Variants in TMPRSS13 observed in about 807,000 individuals in gnomAD.
The protein encoded by TMPRSS13 is transmembrane protease serine 13.
Under a neutral mutation model 68.4 loss-of-function variants are expected in TMPRSS13, and 50 were observed. The ratio of observed to expected loss-of-function variants is 0.73; its 90% CI spans 0.58 to 0.93. The LOEUF is 0.93. TMPRSS13 is among the 40% of genes least tolerant of loss of function. The pLI, the probability that TMPRSS13 is intolerant of heterozygous loss-of-function variation, is 0.00. For synonymous variants in TMPRSS13, 267 were observed against 285.8 expected (o/e 0.93, Z 0.66); for missense variants, 615 against 729.2 (o/e 0.84, Z 1.80).
chr11:117,920,485 T>C (rs2057632809), intron 1 of TMPRSS13, among the ~76,000 whole-genome samples: 1 of 151,880 alleles, frequency 6.6e-6, no homozygotes, highest in Non-Finnish European at 1.5e-5. Flanking sequence ...ACTACAGGTG[T>C]GCACCACCGT....
intron 8 of TMPRSS13, 120 bp from the exon 9 acceptor site, chr11:117,908,904 A>T: frequency 1.0e-6 from 1 of 997,942 alleles, no homozygotes; most frequent in Non-Finnish European, 1.4e-6. Flanking sequence ...GATGGATAAA[A>T]TGACCTCTGG....
Position 117,914,247 on chromosome 11 carries a change from A to G in TMPRSS13, c.679+145T>C. 9.0e-7 allele frequency: 1 copy of G among 1,112,154 alleles called. No individual in the cohort carries two copies. The highest frequency in any genetic ancestry group is 1.4e-5 in the South Asian group (1 of 71,172). 68.9% of individuals were successfully genotyped at this position (1,112,154 alleles called of 1,614,324 possible). ...CACACATACGTGCACACACACATAC[A>G]TGCATACACACAAACATGCACATAC... On this transcript the variant is annotated intron_variant, in intron 4 of 12. Coordinates refer to ENST00000524993, the MANE Select transcript of TMPRSS13 (RefSeq NM_001077263.3). This position sits in a 1 kb window ranked among gnomAD's most constrained non-coding sequence, Gnocchi z 4.2.
chr11:117,919,078 G>C (rs1367452912), intron 1 of TMPRSS13, among the ~76,000 whole-genome samples: 1 of 152,196 alleles, frequency 6.6e-6, no homozygotes, highest in East Asian at 1.9e-4. Flanking sequence ...TGCAGAGATG[G>C]GTAGAGGGCA....
At chr11:117,907,797 T>C in intron 9 of TMPRSS13, 1 of 985,420 alleles carries the variant, frequency 1.0e-6, no homozygotes, top group Non-Finnish European at 1.2e-6. Context: ...TGGCCTCTAC[T>C]GGTCGTCTTG....
At chr11:117,928,035 C>G (rs1047363600) in intron 1 of TMPRSS13, among the ~76,000 whole-genome samples, 1 of 152,206 alleles carries the variant, frequency 6.6e-6, no homozygotes, top group Admixed American at 6.5e-5. Flanking sequence ...GATGGACTAT[C>G]CATCTCCAGT....
At chr11:117,910,494 G>A (rs1025122150) in intron 7 of TMPRSS13, 7 of 523,446 alleles carry the variant, frequency 1.3e-5, no homozygotes, top group Non-Finnish European at 2.4e-5. Context: ...AAGGTTGCTG[G>A]GCTGAGCCCC....
At chr11:117,921,217 A>G (rs2057643221) in intron 1 of TMPRSS13, among the ~76,000 whole-genome samples, 2 of 152,218 alleles carry the variant, frequency 1.3e-5, no homozygotes, top group South Asian at 4.1e-4. Flanking sequence ...GCCTTGACCT[A>G]CAGTGTCACA....
rs201861888 is a variant in TMPRSS13, at chr11:117,905,681, C to A, written c.1338G>T (p.Glu446Asp). Residue 446 changes from glutamate to aspartate, a missense_variant, in exon 10 of 13, where the codon GAG (glutamate) becomes GAT (aspartate). Transcript: ENST00000524993. ...TGCCAAAGCCTGTGATCCAGCAGGT[C>A]TCATTGAGGCTAAAGGTCTGTCCAT... ...PMHGQTFSLN[E>D]TCWITGFGKT... is the part of the protein sequence containing the mutation. The A allele has an allele frequency of 3.1e-6, 5 of 1,606,144 alleles. No homozygotes were observed. The African/African-American group carries it at 5.3e-5, about 17-fold the overall frequency.
Position 117,908,727 on chromosome 11 carries a change from G to T in TMPRSS13, c.1167C>A (p.His389Gln), listed in dbSNP as rs775542256. The change falls in exon 9 of 13, where the codon CAC (histidine) becomes CAA (glutamine). Residue 389 changes from histidine (H) to glutamine (Q), a missense_variant. His to Gln is a conservative substitution (Grantham distance 24, BLOSUM62 0). Coordinates refer to ENST00000524993, the MANE Select transcript of TMPRSS13 (RefSeq NM_001077263.3). Reference protein sequence around the residue: ...WKVYAGTSNLHQLPEAASIAE... With the variant: ...WKVYAGTSNLQQLPEAASIAE... ...CAATGGAGGCTGCCTCAGGCAACTG[G>T]TGCAGGTTGCTGGTGCCCGCGTACA... The T allele has an allele frequency of 1.2e-6, 2 of 1,608,824 alleles. No homozygotes were observed. The highest frequency in any genetic ancestry group is 1.7e-6 in the Non-Finnish European group (2 of 1,178,470).
In TMPRSS13 at chr11:117,914,369, T is replaced by C; in HGVS notation, c.679+23A>G. The stretch of plus-strand genomic sequence containing the variant: ...CACATGCACATGCACACGCACGCGC[T>C]CCCCCGCACCCAGCCTCCTTACCGC... On this transcript the variant is annotated intron_variant, in intron 4 of 12. Transcript: ENST00000524993. The surrounding 1 kb of genome is among the most constrained non-coding windows in gnomAD (Gnocchi z 4.2). 3 of 1,611,348 alleles carry C rather than the reference T, an allele frequency of 1.9e-6. No individual in the cohort carries two copies. Among genetic ancestry groups the C allele is most frequent in the East Asian group, 2.2e-5 (1 of 44,814 alleles).
chr11:117,917,032 A>T (rs749023769), intron 3 of TMPRSS13, 138 bp downstream of exon 3: 17 of 723,678 alleles, frequency 2.3e-5, no homozygotes, highest in Non-Finnish European at 3.9e-5. Flanking sequence ...GGCCATTTGC[A>T]GGAGTGTCCC....
intron 1 of TMPRSS13, among the ~76,000 whole-genome samples, chr11:117,920,484 G>A (rs888922194): frequency 1.3e-5 from 2 of 151,822 alleles, no homozygotes; most frequent in Admixed American, 1.3e-4. Flanking sequence ...GACTACAGGT[G>A]TGCACCACCG....
At chr11:117,919,285 G>C (rs1240344355) in intron 1 of TMPRSS13, among the ~76,000 whole-genome samples, 4 of 152,218 alleles carry the variant, frequency 2.6e-5, no homozygotes, top group Admixed American at 6.5e-5. Flanking sequence ...TTTCTTTCAT[G>C]TATGTGTGTT....
At position 117,903,811 on chromosome 11, in the gene TMPRSS13, C is replaced by A; in HGVS notation, c.1525-4G>T. ...CAAGAGGCCCCCCGCTGTCTCCCTGCAGGGGAGAGGGGGCACATTCGCAGG... is the reference window on the plus strand; with the variant it reads ...CAAGAGGCCCCCCGCTGTCTCCCTGAAGGGGAGAGGGGGCACATTCGCAGG... On this transcript the variant is annotated splice_region_variant and splice_polypyrimidine_tract_variant and intron_variant, in intron 11 of 12. Coordinates refer to ENST00000524993, the MANE Select transcript of TMPRSS13 (RefSeq NM_001077263.3). 1 of 1,609,402 alleles carries A rather than the reference C, an allele frequency of 6.2e-7. No homozygotes were observed. The highest frequency in any genetic ancestry group is 8.5e-7 in the Non-Finnish European group (1 of 1,177,940).
At chr11:117,909,546 G>C (rs946906253) in intron 8 of TMPRSS13, among the ~76,000 whole-genome samples, 2 of 152,228 alleles carry the variant, frequency 1.3e-5, no homozygotes, top group Non-Finnish European at 2.9e-5. Context: ...CAGGCTCCCA[G>C]TCCCTCTTCC....
intron 2 of TMPRSS13, among the ~76,000 whole-genome samples, chr11:117,917,718 G>A (rs1282629860): frequency 1.3e-5 from 2 of 152,182 alleles, no homozygotes; most frequent in African/African-American, 2.4e-5. Context: ...CACCCACCCT[G>A]GAGAGGGCAA....
Position 117,902,263 on chromosome 11 carries a change from G to T in TMPRSS13, c.1680C>A (p.Ser560Arg). The T allele has an allele frequency of 3.1e-6, 5 of 1,613,476 alleles. No homozygotes were observed. The highest frequency in any genetic ancestry group is 2.5e-6 in the Non-Finnish European group (3 of 1,179,872). ...VLPWIYSKME[S>R]EVRFRKS ...GTTAGGATTTTCTGAATCGCACCTC[G>T]CTCTGAGGAAGAGAATGGGAGAAGA... Residue 560 changes from serine (S) to arginine (R), a missense_variant and splice_region_variant, in exon 13 of 13, where the codon AGC becomes AGA. Coordinates refer to ENST00000524993, the MANE Select transcript of TMPRSS13 (RefSeq NM_001077263.3).
chr11:117,909,871 G>A lies in TMPRSS13; in HGVS notation c.1044C>T (p.Thr348=). Reference sequence around the variant, plus strand: ...CAATGAGCGTGCCTCCACAGATGTGGGTGGTGCCGAAGTGCAGACTCACTT... The same window carrying A: ...CAATGAGCGTGCCTCCACAGATGTGAGTGGTGCCGAAGTGCAGACTCACTT... ...PWQVSLHFGT[T]HICGGTLIDA... Residue 348 remains threonine (T), a synonymous_variant, in exon 8 of 13, where the codon ACC becomes ACT. Coordinates refer to ENST00000524993, the MANE Select transcript of TMPRSS13 (RefSeq NM_001077263.3). 1.2e-6 allele frequency: 2 copies of A among 1,614,046 alleles called. No homozygotes were observed. Among genetic ancestry groups the A allele is most frequent in the Non-Finnish European group, 1.7e-6 (2 of 1,180,024 alleles).
chr11:117,902,332 G>C, intron 12 of TMPRSS13, 67 bp from the exon 13 acceptor site: 1 of 1,582,134 alleles, frequency 6.3e-7, no homozygotes, highest in Non-Finnish European at 8.7e-7. Flanking sequence ...GAAGCCCAAG[G>C]TTGGGGTTCA....
Sources: allele counts gnomAD v4.1 joint callset (sites outside exome capture counted in the v4.1 genomes callset), GRCh38; gene constraint gnomAD v4.1.1; non-coding constraint Gnocchi (gnomAD v3.1); transcripts MANE v1.5; gene names NCBI Gene and HGNC (gene_info 2026-07-23, HGNC 2026-07-21).